LRP1B: variants seen among roughly 807,000 people sequenced by gnomAD.
LRP1B encodes low-density lipoprotein receptor-related protein 1B.
A neutral mutation model predicts 556.6 loss-of-function variants in LRP1B; 217 were observed. The ratio of observed to expected loss-of-function variants is 0.39; its 90% CI spans 0.35 to 0.44. The LOEUF is 0.44. LRP1B is among the 20% of genes least tolerant of loss of function. LRP1B has a pLI of 1.00. For missense variants in LRP1B, 5,053 were observed against 5,620.8 expected (o/e 0.90, Z 3.23); for synonymous variants, 2,047 against 1,865.8 (o/e 1.10, Z -2.50).
intron 35 of LRP1B, among the ~76,000 whole-genome samples, chr2:140,768,314 G>T (rs1204782750): frequency 6.6e-6 from 1 of 151,652 alleles, no homozygotes; most frequent in Admixed American, 6.6e-5. Context: ...AGATTACAAT[G>T]ATTCTTTTTT....
At chr2:140,689,779 G>T (rs572162225) in intron 41 of LRP1B, among the ~76,000 whole-genome samples, 1 of 152,174 alleles carries the variant, frequency 6.6e-6, no homozygotes, top group South Asian at 2.1e-4. Flanking sequence ...GCCAACCACA[G>T]GTTTCTAGTA....
intron 41 of LRP1B, among the ~76,000 whole-genome samples, chr2:140,635,454 G>A (rs1459953710): frequency 6.6e-6 from 1 of 151,684 alleles, no homozygotes. Flanking sequence ...TTATTTTTTT[G>A]TTATTTTTAT....
At chr2:141,708,368 CAG>C (rs964370116) in intron 2 of LRP1B, among the ~76,000 whole-genome samples, 11 of 152,060 alleles carry the variant, frequency 7.2e-5, no homozygotes, top group African/African-American at 1.7e-4. Context: ...CTACTTTTAA[CAG>C]GGGTCAAATG....
At chr2:141,753,832 T>A (rs1694223981) in intron 2 of LRP1B, among the ~76,000 whole-genome samples, 1 of 152,164 alleles carries the variant, frequency 6.6e-6, no homozygotes, top group Non-Finnish European at 1.5e-5. Context: ...TAAATAAATA[T>A]TTTTTACTCA....
chr2:140,697,083 G>T (rs1345961483), intron 41 of LRP1B, among the ~76,000 whole-genome samples: 1 of 152,078 alleles, frequency 6.6e-6, no homozygotes, highest in Non-Finnish European at 1.5e-5. Flanking sequence ...CCCTGGGCTC[G>T]ACCGATGTTT....
chr2:141,306,379 A>C (rs868177093), intron 3 of LRP1B, among the ~76,000 whole-genome samples: 19 of 152,194 alleles, frequency 1.2e-4, no homozygotes, highest in African/African-American at 1.9e-4. Flanking sequence ...ATATCCAGGA[A>C]TTTATCAATA....
At chr2:140,615,782 A>G (rs1486617220) in intron 41 of LRP1B, among the ~76,000 whole-genome samples, 2 of 18,426 alleles carry the variant, frequency 1.1e-4, no homozygotes, top group African/African-American at 3.2e-4. Context: ...ACCTCTTTAC[A>G]CTTGTCCATA....
intron 1 of LRP1B, among the ~76,000 whole-genome samples, chr2:142,125,984 A>C (rs958258900): frequency 6.6e-6 from 1 of 151,894 alleles, no homozygotes; most frequent in Non-Finnish European, 1.5e-5. Context: ...GTAGACATAG[A>C]TATTTTCTCA....
At chr2:141,088,994 T>G (rs964434373) in intron 7 of LRP1B, among the ~76,000 whole-genome samples, 2 of 152,216 alleles carry the variant, frequency 1.3e-5, no homozygotes, top group Non-Finnish European at 2.9e-5. Context: ...ATCAGTATTA[T>G]AAAGCTTTTT....
intron 27 of LRP1B, among the ~76,000 whole-genome samples, chr2:140,857,402 ATTAGTT>A (rs939636073): frequency 6.6e-6 from 1 of 152,320 alleles, no homozygotes; most frequent in African/African-American, 2.4e-5. Flanking sequence ...GAAAGGACTT[ATTAGTT>A]TTAAAGAAAG....
At chr2:141,041,586 A>G (rs1698699325) in intron 11 of LRP1B, among the ~76,000 whole-genome samples, 1 of 152,110 alleles carries the variant, frequency 6.6e-6, no homozygotes, top group African/African-American at 2.4e-5. Context: ...CAGATAAGTC[A>G]AGATAATTTC....
intron 41 of LRP1B, among the ~76,000 whole-genome samples, chr2:140,696,124 CA>C (rs1374456216): frequency 3.9e-5 from 6 of 152,010 alleles, no homozygotes; most frequent in Non-Finnish European, 8.8e-5. Flanking sequence ...AGAGATATAA[CA>C]AAAGAACATA....
At chr2:140,848,155 T>C (rs1237135895) in intron 29 of LRP1B, among the ~76,000 whole-genome samples, 1 of 152,192 alleles carries the variant, frequency 6.6e-6, no homozygotes, top group Admixed American at 6.5e-5. Context: ...TAACTGATTG[T>C]CAATCTTCAG....
chr2:141,397,665 T>C (rs1314907264), intron 3 of LRP1B, among the ~76,000 whole-genome samples: 8 of 151,908 alleles, frequency 5.3e-5, no homozygotes, highest in Admixed American at 5.3e-4. Flanking sequence ...TCTTTATAGG[T>C]AGGCTTTCTG....
At chr2:140,524,987 A>G (rs946849531) in intron 49 of LRP1B, among the ~76,000 whole-genome samples, 2 of 151,884 alleles carry the variant, frequency 1.3e-5, no homozygotes, top group Admixed American at 6.6e-5. Context: ...AACCATCACA[A>G]ATTTAGAAAT....
At chr2:140,372,506 C>T (rs1201111300) in intron 69 of LRP1B, among the ~76,000 whole-genome samples, 1 of 151,988 alleles carries the variant, frequency 6.6e-6, no homozygotes. Context: ...TGTAGAGACA[C>T]CTAGCACATA....
At chr2:141,576,571 TAGA>T (rs1052154991) in intron 2 of LRP1B, among the ~76,000 whole-genome samples, 3 of 151,984 alleles carry the variant, frequency 2.0e-5, no homozygotes, top group East Asian at 1.9e-4. Flanking sequence ...TCTTTTTTTT[TAGA>T]AGAAGAAGAA....
chr2:140,247,477 G>A (rs1050276184), intron 86 of LRP1B, among the ~76,000 whole-genome samples: 5 of 151,534 alleles, frequency 3.3e-5, no homozygotes, highest in Non-Finnish European at 7.4e-5. Flanking sequence ...TGAGAGTTAT[G>A]GAAAATTACA....
chr2:141,586,684 T>C (rs976456308), intron 2 of LRP1B, among the ~76,000 whole-genome samples: 2 of 152,164 alleles, frequency 1.3e-5, no homozygotes, highest in African/African-American at 4.8e-5. Flanking sequence ...GGCTCACGCC[T>C]GTAATCCCAG....
Sources: gnomAD v4.1 joint callset for allele counts (sites outside exome capture counted in the v4.1 genomes callset) on GRCh38, gnomAD v4.1.1 for gene constraint, MANE v1.5 for transcripts, NCBI Gene and HGNC (gene_info 2026-07-23, HGNC 2026-07-21) for gene names.